The following CNBD1 variants were observed in gnomAD, a reference collection of about 807,000 sequenced individuals.
The protein encoded by CNBD1 is cyclic nucleotide-binding domain-containing protein 1.
In CNBD1, 71 loss-of-function variants were observed where a neutral mutation model predicts 54.4. The observed-to-expected ratio is 1.30, with a 90% CI of 1.08 to 1.59. The LOEUF (loss-of-function observed/expected upper bound fraction) is 1.59. CNBD1 is among the 40% of genes most tolerant of loss of function. The probability of loss-of-function intolerance (pLI) is 0.00; values close to 1 mark genes in which losing one functional copy is unlikely to be tolerated. For synonymous variants in CNBD1, 182 were observed against 170.7 expected (o/e 1.07, Z -0.51); for missense variants, 659 against 518.0 (o/e 1.27, Z -2.64).
At chr8:87,411,842 AATAAT>A (rs1807751605) in intron 2 of CNBD1, among the ~76,000 whole-genome samples, 2 of 151,986 alleles carry the variant, frequency 1.3e-5, no homozygotes, top group Admixed American at 1.3e-4. Context: ...ATTTTTCAAT[AATAAT>A]ATAATAAGTG....
chr8:87,370,176 C>G (rs555471132), intron 10 of CNBD1, among the ~76,000 whole-genome samples: 4 of 151,386 alleles, frequency 2.6e-5, no homozygotes, highest in African/African-American at 7.3e-5. Context: ...TGAATAGTGC[C>G]GCAATAAACA....
At position 87,403,793 on chromosome 8, in the gene CNBD1, T is replaced by G. The variant is rs188224612; in HGVS notation, c.214-24753T>G. 5.0e-3 allele frequency among the ~76,000 whole-genome samples: 767 copies of G among 152,168 alleles called. 10 individuals carry two copies. Among genetic ancestry groups the G allele is most frequent in the Non-Finnish European group, 6.4e-3 (438 of 67,988 alleles). ...AAAATTTCAAGATGTGTTTTTTATA[T>G]GCTTCAACACAAATCATTTGAGTTT... On this transcript the variant is annotated intron_variant, in intron 2 of 7. Coordinates refer to the CNBD1 transcript ENST00000521593.
At chr8:86,962,748 G>A (rs1232994987) in intron 4 of CNBD1, among the ~76,000 whole-genome samples, 4 of 151,660 alleles carry the variant, frequency 2.6e-5, no homozygotes, top group South Asian at 2.1e-4. Context: ...ATGGTGCCAC[G>A]ACACTCCAGC....
At chr8:86,994,112 C>T (rs1808815667) in intron 4 of CNBD1, among the ~76,000 whole-genome samples, 1 of 152,224 alleles carries the variant, frequency 6.6e-6, no homozygotes, top group South Asian at 2.1e-4. Context: ...AGTGGAGGCT[C>T]CTCCCCAACT....
chr8:87,297,826 A>C (rs972391253), intron 8 of CNBD1, among the ~76,000 whole-genome samples: 1 of 152,038 alleles, frequency 6.6e-6, no homozygotes, highest in Non-Finnish European at 1.5e-5. Flanking sequence ...AGGATTATGA[A>C]TTAAATATCT....
chr8:87,368,638 A>C (rs1810693200), intron 10 of CNBD1, among the ~76,000 whole-genome samples: 1 of 151,902 alleles, frequency 6.6e-6, no homozygotes, highest in East Asian at 1.9e-4. Context: ...ACCTATCTCA[A>C]AAAGAGAGGG....
chr8:87,368,160 T>TAAAAA (rs1407584370), intron 10 of CNBD1, among the ~76,000 whole-genome samples: 3 of 110,038 alleles, frequency 2.7e-5, no homozygotes, highest in African/African-American at 1.1e-4. Flanking sequence ...AGATTCCATC[T>TAAAAA]AAAAAGAAAA....
At chr8:87,105,158 G>C (rs773273927) in intron 4 of CNBD1, among the ~76,000 whole-genome samples, 1 of 151,930 alleles carries the variant, frequency 6.6e-6, no homozygotes, top group African/African-American at 2.4e-5. Context: ...AAATACACAG[G>C]GTTTTGGCTA....
At chr8:87,364,028 G>T (rs1010630566) in intron 10 of CNBD1, among the ~76,000 whole-genome samples, 4 of 151,024 alleles carry the variant, frequency 2.6e-5, no homozygotes, top group Non-Finnish European at 4.4e-5. Flanking sequence ...CCATTTGCTG[G>T]CTCAAATGTT....
rs956034602 is a variant in CNBD1 at position 87,371,425 on chromosome 8, C to T, written c.1304-11195C>T. On this transcript the variant is annotated intron_variant, in intron 10 of 10. Coordinates refer to ENST00000518476, the MANE Select transcript of CNBD1 (RefSeq NM_173538.3). ...TCATTGAGCAGTGGTTTGTAATTCT[C>T]CTTGAAGAGGTCCTTCACGTCCCTT... Among the ~76,000 whole-genome samples, 30 of 151,986 alleles carry T rather than the reference C, an allele frequency of 2.0e-4. 1 individual carries two copies. Among genetic ancestry groups the T allele is most frequent in the South Asian group, 8.3e-4 (4 of 4,822 alleles).
chr8:87,129,081 AAAAAAAAAAAG>A (rs1339290585), intron 4 of CNBD1, among the ~76,000 whole-genome samples: 1 of 145,754 alleles, frequency 6.9e-6, no homozygotes, highest in Non-Finnish European at 1.5e-5. Flanking sequence ...AAAAAAAAAA[AAAAAAAAAAAG>A]AATTTTGCTA....
intron 6 of CNBD1, among the ~76,000 whole-genome samples, chr8:87,246,128 T>G (rs1019552843): frequency 2.0e-5 from 3 of 152,146 alleles, no homozygotes; most frequent in African/African-American, 7.2e-5. Context: ...CTCCTTTAAT[T>G]TTTAAATTTT....
At chr8:86,945,882 C>T (rs147070546) in intron 4 of CNBD1, among the ~76,000 whole-genome samples, 6 of 152,120 alleles carry the variant, frequency 3.9e-5, no homozygotes, top group South Asian at 2.1e-4. Flanking sequence ...GTTCTGTCTG[C>T]GGCAGCTAGA....
intron 6 of CNBD1, among the ~76,000 whole-genome samples, chr8:87,274,195 A>T (rs1943113812): frequency 6.6e-6 from 1 of 151,344 alleles, no homozygotes. Context: ...GTTGGTTCCA[A>T]GTCTTTGCTA....
chr8:87,118,592 A>G (rs779358646), intron 4 of CNBD1, among the ~76,000 whole-genome samples: 1 of 152,186 alleles, frequency 6.6e-6, no homozygotes, highest in Non-Finnish European at 1.5e-5. Flanking sequence ...GGTAGCTGGA[A>G]TACAGTGAAC....
chr8:86,949,185 A>T (rs796235088), intron 4 of CNBD1, among the ~76,000 whole-genome samples: 56 of 152,218 alleles, frequency 3.7e-4, no homozygotes, highest in African/African-American at 1.3e-3. Flanking sequence ...AAGTAATGTG[A>T]TTCTTCTGGT....
rs201670365 is a variant in CNBD1 at position 87,227,801 on chromosome 8, G to A, written c.578-9118G>A. On this transcript the variant is annotated intron_variant, in intron 5 of 10. Coordinates refer to ENST00000518476, the MANE Select transcript of CNBD1 (RefSeq NM_173538.3). ...GAACATTGGCCTGCCTTGCTAGATT[G>A]GGGAAATTCTCCTGGATAATATCCT... Among the ~76,000 whole-genome samples, 286 of 149,920 alleles carry A rather than the reference G, an allele frequency of 1.9e-3. 5 individuals carry two copies. The East Asian group carries it at 0.049, about 26-fold the overall frequency.
intron 4 of CNBD1, among the ~76,000 whole-genome samples, chr8:86,974,173 T>C (rs1239753557): frequency 6.6e-6 from 1 of 152,024 alleles, no homozygotes; most frequent in Non-Finnish European, 1.5e-5. Flanking sequence ...TCATAAGTAG[T>C]CAAGGAAATA....
intron 4 of CNBD1, among the ~76,000 whole-genome samples, chr8:87,135,637 C>G (rs1315792049): frequency 6.8e-6 from 1 of 147,416 alleles, no homozygotes; most frequent in East Asian, 2.0e-4. Flanking sequence ...ATATATATTA[C>G]ATATTATATA....
Sources: gnomAD v4.1 joint callset for allele counts (sites outside exome capture counted in the v4.1 genomes callset) on GRCh38, gnomAD v4.1.1 for gene constraint, MANE v1.5 for transcripts, NCBI Gene and HGNC (gene_info 2026-07-23, HGNC 2026-07-21) for gene names.